The following ADAM32 variants were observed in gnomAD, a reference collection of about 807,000 sequenced individuals.
The protein encoded by ADAM32 is disintegrin and metalloproteinase domain-containing protein 32.
Under a neutral mutation model 114.9 loss-of-function variants are expected in ADAM32, and 89 were observed. The observed-to-expected ratio is 0.77, with a 90% confidence interval of 0.65 to 0.92. The LOEUF (loss-of-function observed/expected upper bound fraction) is 0.92. Ranked by LOEUF, ADAM32 falls within the 40% of genes least tolerant of loss-of-function variation. ADAM32 has a pLI of 0.00. For missense variants in ADAM32, 870 were observed against 932.8 expected, an observed-to-expected ratio of 0.93 and a Z score of 0.88; for synonymous variants, 285 against 307.5, an observed-to-expected ratio of 0.93 and a Z score of 0.77.
chr8:39,257,825 AAGAC>A (rs896301404), intron 19 of ADAM32, among the ~76,000 whole-genome samples: 52 of 152,254 alleles, frequency 3.4e-4, no homozygotes, highest in African/African-American at 1.1e-3. Context: ...TTCAAACACT[AAGAC>A]AGAGAACAAC....
At chr8:39,259,296 T>C (rs1811862192) in intron 19 of ADAM32, among the ~76,000 whole-genome samples, 1 of 151,898 alleles carries the variant, frequency 6.6e-6, no homozygotes, top group African/African-American at 2.4e-5. Flanking sequence ...GCTCGCCGGG[T>C]TCAAGTGATT....
intron 2 of ADAM32, among the ~76,000 whole-genome samples, chr8:39,123,429 G>A (rs1277686417): frequency 6.6e-6 from 1 of 152,056 alleles, no homozygotes; most frequent in Non-Finnish European, 1.5e-5. Context: ...CACACTGGGG[G>A]TTTGGTTTTC....
At chr8:39,243,642 G>A (rs1810706558) in intron 16 of ADAM32, among the ~76,000 whole-genome samples, 1 of 152,100 alleles carries the variant, frequency 6.6e-6, no homozygotes. Context: ...AGGTAATAAA[G>A]GCTGTATATG....
At chr8:39,132,322 T>G in intron 2 of ADAM32, among the ~76,000 whole-genome samples, 1 of 152,246 alleles carries the variant, frequency 6.6e-6, no homozygotes, top group Admixed American at 6.5e-5. Context: ...ATTTTGCTAT[T>G]TTTACTACTT....
At position 39,145,312 on chromosome 8, in the gene ADAM32, C is replaced by T. The variant is rs144640941; in HGVS notation, c.201-1818C>T. 3.5e-3 allele frequency among the ~76,000 whole-genome samples: 540 copies of T among 152,174 alleles called. 2 individuals are homozygous for T. Among genetic ancestry groups the T allele is most frequent in the Middle Eastern group, 0.02 (6 of 294 alleles). On this transcript the variant is annotated intron_variant, in intron 3 of 24. Coordinates refer to ENST00000379907, the MANE Select transcript of ADAM32 (RefSeq NM_145004.7). ...AGAAATAGTAAATTCCTATGGAACC[C>T]CAAAAGGCCCTGAATAGCCAAGGCA...
In ADAM32 at chr8:39,221,624, A is replaced by T; in HGVS notation, c.1248A>T (p.Ala416=). The part of the protein sequence containing the change: ...DCGTEAQCGP[A]SCCDFRTCVL... ...CTAATTCATAGCAATGTGGACCTGC[A>T]AGCTGTTGTGATTTTCGAACTTGTG... Residue 416 remains alanine, a synonymous_variant, in exon 13 of 25, where the codon GCA becomes GCT. Coordinates refer to ENST00000379907, the MANE Select transcript of ADAM32 (RefSeq NM_145004.7). 6.2e-7 allele frequency: 1 copy of T among 1,611,580 alleles called. No individual in the cohort carries two copies. Among genetic ancestry groups the T allele is most frequent in the Non-Finnish European group, 8.5e-7 (1 of 1,178,428 alleles).
chr8:39,252,510 A>G (rs1424266853), intron 17 of ADAM32, among the ~76,000 whole-genome samples: 1 of 151,544 alleles, frequency 6.6e-6, no homozygotes, highest in East Asian at 1.9e-4. Flanking sequence ...TAAACATTCT[A>G]ACTTTACACC....
intron 2 of ADAM32, among the ~76,000 whole-genome samples, chr8:39,122,599 CAG>C (rs1316581667): frequency 6.6e-6 from 1 of 152,202 alleles, no homozygotes; most frequent in African/African-American, 2.4e-5. Context: ...TGTTTTGAGA[CAG>C]AGTCTTCCTC....
intron 9 of ADAM32, chr8:39,169,065 AAGT>A (rs1274276653): frequency 6.6e-6 from 1 of 152,180 alleles, no homozygotes; most frequent in East Asian, 1.9e-4. Flanking sequence ...GACAGAATAA[AAGT>A]AGTGGAGAGG....
intron 13 of ADAM32, 91 bp from the exon 14 acceptor site, chr8:39,222,949 G>A: frequency 9.0e-7 from 1 of 1,110,916 alleles, no homozygotes; most frequent in African/African-American, 1.6e-5. Context: ...ATAGACTAAA[G>A]CGAAAATGAT....
In ADAM32 at chr8:39,246,126, C is replaced by G. The variant is rs142346085; in HGVS notation, c.1862C>G (p.Ala621Gly). The G allele has an allele frequency of 1.9e-6, 3 of 1,613,338 alleles. No individual in the cohort carries two copies. The highest frequency in any genetic ancestry group is 1.7e-5 in the Admixed American group (1 of 59,968). ...TGTGTAGAATCAAGGATAATTAAGG[C>G]TTCAGCACATGTTTGTTCACAACAG... The part of the protein sequence containing the change: ...RECVESRIIK[A>G]SAHVCSQQCS... Residue 621 changes from alanine (A) to glycine (G), a missense_variant, in exon 17 of 25, where the codon GCT becomes GGT. Transcript: ENST00000379907.
rs192228131 is a variant in ADAM32, at chr8:39,187,152, A to T, written c.1052+107A>T. ...GCACAAATTAGCTATCAATGGACCA[A>T]ATTCACCAAGTATAAACATGTAATT... On this transcript the variant is annotated intron_variant, in intron 11 of 24. Transcript: ENST00000379907. The T allele has an allele frequency of 4.6e-3, 4,406 of 961,724 alleles. 18 individuals are homozygous for T. Among genetic ancestry groups the T allele is most frequent in the Non-Finnish European group, 5.8e-3 (3,904 of 672,964 alleles). 59.6% of individuals were successfully genotyped at this position (961,724 alleles called of 1,614,324 possible). A position where few individuals can be genotyped will look rare whatever the true frequency, so the allele number is the denominator to read the frequency against.
intron 6 of ADAM32, among the ~76,000 whole-genome samples, chr8:39,155,949 G>A (rs930940483): frequency 1.3e-5 from 2 of 151,826 alleles, no homozygotes; most frequent in African/African-American, 2.4e-5. Flanking sequence ...TATACAAAAC[G>A]CTGCTGCTAT....
intron 16 of ADAM32, among the ~76,000 whole-genome samples, chr8:39,240,969 C>T (rs1471471141): frequency 1.3e-5 from 2 of 152,136 alleles, no homozygotes; most frequent in African/African-American, 4.8e-5. Flanking sequence ...AAGGCAAGTC[C>T]CTTCCACCTA....
Position 39,160,933 on chromosome 8 carries a change from C to T in ADAM32, c.562C>T (p.Leu188=). The part of the protein sequence containing the change: ...PAVPDLFPLY[L]EMHIVVDKTL... ...TGTTCCAGATTTATTTCCTCTTTAT[C>T]TAGAAATGCATATTGTGGTGGACAA... Residue 188 remains leucine, a synonymous_variant, in exon 7 of 25, where the codon CTA becomes TTA. Coordinates refer to ENST00000379907, the MANE Select transcript of ADAM32 (RefSeq NM_145004.7). 6.2e-7 allele frequency: 1 copy of T among 1,600,116 alleles called. No homozygotes were observed. Among genetic ancestry groups the T allele is most frequent in the Non-Finnish European group, 8.5e-7 (1 of 1,173,620 alleles).
chr8:39,164,424 A>G (rs1180193758), intron 7 of ADAM32, among the ~76,000 whole-genome samples: 1 of 152,210 alleles, frequency 6.6e-6, no homozygotes, highest in African/African-American at 2.4e-5. Context: ...ATGAGTAAAG[A>G]TGTTATGGAC....
chr8:39,250,676 A>T (rs538785081), intron 17 of ADAM32, among the ~76,000 whole-genome samples: 11 of 152,118 alleles, frequency 7.2e-5, no homozygotes, highest in South Asian at 6.2e-4. Context: ...CTTTATGCTA[A>T]AACATTTGAA....
intron 20 of ADAM32, among the ~76,000 whole-genome samples, chr8:39,273,621 C>T (rs1585700123): frequency 6.6e-6 from 1 of 152,168 alleles, no homozygotes; most frequent in Non-Finnish European, 1.5e-5. Flanking sequence ...TTGTACTGTA[C>T]ATAATTGTAT....
intron 16 of ADAM32, among the ~76,000 whole-genome samples, chr8:39,237,693 C>G (rs964393471): frequency 6.6e-6 from 1 of 152,144 alleles, no homozygotes; most frequent in East Asian, 1.9e-4. Context: ...ACCTGAGAAC[C>G]ACCTCCCCCA....
Sources: allele counts gnomAD v4.1 joint callset (sites outside exome capture counted in the v4.1 genomes callset), GRCh38; gene constraint gnomAD v4.1.1; transcripts MANE v1.5; gene names NCBI Gene and HGNC (gene_info 2026-07-23, HGNC 2026-07-21).